The following NEGR1 variants were observed in gnomAD, a reference collection of about 807,000 sequenced individuals.
The protein encoded by NEGR1 is IgLON family member 4.
NEGR1 carries 10 observed loss-of-function variants against 40.9 expected under a neutral mutation model. The observed-to-expected ratio is 0.24, with a 90% CI of 0.15 to 0.42. The LOEUF is 0.42. NEGR1 is among the 10% of genes least tolerant of loss of function. NEGR1 has a pLI of 1.00. For synonymous variants in NEGR1, 185 were observed against 166.8 expected (o/e 1.11, Z -0.84); for missense variants, 352 against 438.9 (o/e 0.80, Z 1.77).
intron 4 of NEGR1, among the ~76,000 whole-genome samples, chr1:71,629,390 T>A (rs1650898198): frequency 6.6e-6 from 1 of 152,082 alleles, no homozygotes; most frequent in Admixed American, 6.6e-5. Context: ...TTCCATTTGT[T>A]TGTGTCTTCT....
chr1:71,981,911 C>A (rs1001777942), intron 1 of NEGR1, among the ~76,000 whole-genome samples: 8 of 152,092 alleles, frequency 5.3e-5, no homozygotes, highest in Admixed American at 1.3e-4. Context: ...AGATTAGAAC[C>A]ATTTGGCTCT....
At chr1:71,501,751 C>T (rs1647000628) in intron 6 of NEGR1, among the ~76,000 whole-genome samples, 1 of 152,030 alleles carries the variant, frequency 6.6e-6, no homozygotes, top group South Asian at 2.1e-4. Flanking sequence ...TTTCACATAG[C>T]ATAACTACAG....
At chr1:72,254,701 A>T (rs1349876082) in intron 1 of NEGR1, among the ~76,000 whole-genome samples, 5 of 37,834 alleles carry the variant, frequency 1.3e-4, no homozygotes, top group East Asian at 9.1e-4. Context: ...GACTCTGTCT[A>T]AAAAAAAAAA....
intron 1 of NEGR1, among the ~76,000 whole-genome samples, chr1:71,993,002 C>T (rs6661979): frequency 0.23 from 34,669 of 151,988 alleles, 4,402 homozygotes; most frequent in East Asian, 0.52. Context: ...GTACTCATTG[C>T]GGATTTCCAA....
intron 4 of NEGR1, among the ~76,000 whole-genome samples, chr1:71,630,456 G>T (rs1650935811): frequency 6.6e-6 from 1 of 151,880 alleles, no homozygotes; most frequent in African/African-American, 2.4e-5. Flanking sequence ...TAACTATATT[G>T]TAAAATGTAT....
intron 1 of NEGR1, among the ~76,000 whole-genome samples, chr1:72,250,901 T>C (rs978500498): frequency 1.3e-5 from 2 of 152,202 alleles, no homozygotes; most frequent in Non-Finnish European, 2.9e-5. Flanking sequence ...CTCCCCATTA[T>C]GGAGATGGCA....
chr1:71,492,127 T>G (rs888976994), intron 6 of NEGR1, among the ~76,000 whole-genome samples: 1 of 152,138 alleles, frequency 6.6e-6, no homozygotes, highest in Admixed American at 6.6e-5. Flanking sequence ...CTATGAGAAA[T>G]GCATTTTTAT....
chr1:71,876,117 G>A (rs1376361480), intron 2 of NEGR1, among the ~76,000 whole-genome samples: 1 of 151,938 alleles, frequency 6.6e-6, no homozygotes, highest in African/African-American at 2.4e-5. Context: ...CCTTTGGGAG[G>A]GCAGTCTTAA....
At chr1:71,948,208 A>G (rs945105177) in intron 1 of NEGR1, among the ~76,000 whole-genome samples, 1 of 152,166 alleles carries the variant, frequency 6.6e-6, no homozygotes, top group Non-Finnish European at 1.5e-5. Flanking sequence ...GGATCAGCGA[A>G]TTAAAATATT....
At chr1:72,123,547 T>A (rs1570001729) in intron 1 of NEGR1, among the ~76,000 whole-genome samples, 1 of 151,824 alleles carries the variant, frequency 6.6e-6, no homozygotes, top group East Asian at 1.9e-4. Flanking sequence ...CAATACTAGA[T>A]AATAAGTTTT....
At chr1:71,609,186 G>A (rs1650161037) in intron 5 of NEGR1, among the ~76,000 whole-genome samples, 1 of 151,548 alleles carries the variant, frequency 6.6e-6, no homozygotes, top group Non-Finnish European at 1.5e-5. Flanking sequence ...ATATAAAATA[G>A]CTAAAAAAAA....
intron 3 of NEGR1, among the ~76,000 whole-genome samples, chr1:71,716,619 C>T (rs886651401): frequency 1.3e-5 from 2 of 152,010 alleles, no homozygotes; most frequent in African/African-American, 4.8e-5. Context: ...ATTTTGTAAA[C>T]CCAAACCTAC....
chr1:71,946,045 G>C (rs141008447), intron 1 of NEGR1, among the ~76,000 whole-genome samples: 4 of 151,494 alleles, frequency 2.6e-5, no homozygotes, highest in African/African-American at 7.3e-5. Context: ...AATTCTATTC[G>C]TTTCTTTTTT....
intron 6 of NEGR1, among the ~76,000 whole-genome samples, chr1:71,409,653 A>G (rs1385401820): frequency 6.6e-6 from 1 of 152,094 alleles, no homozygotes; most frequent in Non-Finnish European, 1.5e-5. Flanking sequence ...ATTTGTTTAC[A>G]TATTCATTTC....
At chr1:72,095,754 A>G (rs1648673690) in intron 1 of NEGR1, among the ~76,000 whole-genome samples, 1 of 152,152 alleles carries the variant, frequency 6.6e-6, no homozygotes, top group Non-Finnish European at 1.5e-5. Flanking sequence ...TTTGGAATCC[A>G]CTAACTTCAA....
intron 3 of NEGR1, among the ~76,000 whole-genome samples, chr1:71,699,030 T>G (rs1234523297): frequency 6.6e-6 from 1 of 151,782 alleles, no homozygotes; most frequent in Non-Finnish European, 1.5e-5. Context: ...CCCTTCTACC[T>G]CCTTGCACAG....
At chr1:71,787,944 C>A (rs1656971398) in intron 2 of NEGR1, among the ~76,000 whole-genome samples, 1 of 152,114 alleles carries the variant, frequency 6.6e-6, no homozygotes, top group South Asian at 2.1e-4. Context: ...TGTGTGGTTT[C>A]TCACCTGTCA....
At chr1:72,176,265 A>G (rs188128137) in intron 1 of NEGR1, among the ~76,000 whole-genome samples, 153 of 152,210 alleles carry the variant, frequency 1.0e-3, no homozygotes, top group Non-Finnish European at 1.8e-3. Flanking sequence ...CTCTGTGACT[A>G]TATAACTTTT....
intron 2 of NEGR1, among the ~76,000 whole-genome samples, chr1:71,848,151 C>G (rs558113953): frequency 6.6e-6 from 1 of 152,208 alleles, no homozygotes; most frequent in East Asian, 1.9e-4. Context: ...AAGTTGGAAG[C>G]TAATAGAGGT....
Sources: gnomAD v4.1 joint callset for allele counts (sites outside exome capture counted in the v4.1 genomes callset) on GRCh38, gnomAD v4.1.1 for gene constraint, MANE v1.5 for transcripts, NCBI Gene and HGNC (gene_info 2026-07-23, HGNC 2026-07-21) for gene names.